Variants in STARD9 observed in about 807,000 individuals in gnomAD.
The protein encoded by STARD9 is stAR-related lipid transfer protein 9.
A neutral mutation model predicts 399.8 loss-of-function variants in STARD9; 346 were observed. That is an observed-to-expected ratio of 0.87 (90% CI 0.79 to 0.95). STARD9 has a LOEUF of 0.95. Among genes scored for constraint, STARD9 ranks in the 40% least tolerant of loss-of-function variants. STARD9 has a pLI of 0.00. For missense variants in STARD9, 5,832 were observed against 5,667.5 expected (o/e 1.03, Z -0.93); for synonymous variants, 2,203 against 2,143.5 (o/e 1.03, Z -0.77).
chr15:42,674,977 G>T lies in STARD9; in HGVS notation c.1687+13G>T. The T allele has an allele frequency of 1.3e-6, 2 of 1,516,650 alleles. No homozygotes were observed. Among genetic ancestry groups the T allele is most frequent in the Non-Finnish European group, 1.8e-6 (2 of 1,137,926 alleles). 93.9% of individuals were successfully genotyped at this position (1,516,650 alleles called of 1,614,324 possible). On this transcript the variant is annotated intron_variant, in intron 18 of 32. Transcript: ENST00000290607. ...CGTCTGACTCAAGGTAGGACTGTCT[G>T]TAGCCCTGTTTATCCCAAGATGAGT... is the stretch of plus-strand genomic sequence containing the variant.
At chr15:42,705,599 T>C (rs2061059123) in intron 26 of STARD9, among the ~76,000 whole-genome samples, 1 of 152,000 alleles carries the variant, frequency 6.6e-6, no homozygotes, top group Non-Finnish European at 1.5e-5. Context: ...CCTCCATGCC[T>C]GGCTAATTTT....
intron 3 of STARD9, among the ~76,000 whole-genome samples, chr15:42,610,996 A>G (rs969670945): frequency 7.9e-5 from 12 of 152,210 alleles, no homozygotes; most frequent in Non-Finnish European, 1.5e-4. Context: ...AATTATTTTA[A>G]TGAATTTCCA....
At chr15:42,649,930 G>A (rs1045314968) in intron 7 of STARD9, among the ~76,000 whole-genome samples, 1 of 146,902 alleles carries the variant, frequency 6.8e-6, no homozygotes, top group Non-Finnish European at 1.5e-5. Context: ...GCAATGGCGC[G>A]ATCTCGACTC....
rs751049981 is a variant in STARD9 at position 42,688,757 on chromosome 15, A to T, written c.7179A>T (p.Glu2393Asp). The T allele has an allele frequency of 2.6e-6, 4 of 1,537,614 alleles. No homozygotes were observed. The African/African-American group carries it at 5.5e-5, about 21-fold the overall frequency. ...QSTETRSHSP[E>D]GNVRGRSSEA... ...CGGAGACCAGAAGCCACAGCCCCGAAGGAAATGTTAGAGGGCGTTCCTCTG... is the reference window on the plus strand; with the variant it reads ...CGGAGACCAGAAGCCACAGCCCCGATGGAAATGTTAGAGGGCGTTCCTCTG... Residue 2393 changes from glutamate (E) to aspartate (D), a missense_variant, in exon 23 of 33, where the codon GAA (glutamate) becomes GAT (aspartate). Glu to Asp is a conservative substitution (Grantham distance 45). Coordinates refer to ENST00000290607, the MANE Select transcript of STARD9 (RefSeq NM_020759.3).
intron 3 of STARD9, among the ~76,000 whole-genome samples, chr15:42,613,922 G>GC (rs2141823610): frequency 6.6e-6 from 1 of 152,008 alleles, no homozygotes; most frequent in African/African-American, 2.4e-5. Flanking sequence ...CCGAGATCCT[G>GC]CCACTGCACT....
intron 3 of STARD9, among the ~76,000 whole-genome samples, chr15:42,597,599 C>T (rs186920483): frequency 2.0e-5 from 3 of 152,094 alleles, no homozygotes; most frequent in Admixed American, 6.5e-5. Flanking sequence ...CACAGTGGCA[C>T]GATCTCGGCT....
chr15:42,628,779 T>C (rs1566886874), intron 3 of STARD9, among the ~76,000 whole-genome samples: 2 of 152,174 alleles, frequency 1.3e-5, no homozygotes, highest in Non-Finnish European at 2.9e-5. Context: ...TTTGTTCTAT[T>C]GGTCTGCGTG....
chr15:42,624,371 CATT>C (rs2059154629), intron 3 of STARD9, among the ~76,000 whole-genome samples: 2 of 152,040 alleles, frequency 1.3e-5, no homozygotes, highest in South Asian at 2.1e-4. Context: ...TTAGTATCCT[CATT>C]ATATTTAGGT....
At chr15:42,699,477 T>G (rs983682486) in intron 26 of STARD9, among the ~76,000 whole-genome samples, 1 of 145,142 alleles carries the variant, frequency 6.9e-6, no homozygotes, top group Non-Finnish European at 1.5e-5. Flanking sequence ...CACTGCAAGC[T>G]CCGCCTCCCG....
intron 7 of STARD9, among the ~76,000 whole-genome samples, chr15:42,649,355 T>C (rs1014150741): frequency 3.9e-5 from 6 of 152,184 alleles, no homozygotes; most frequent in African/African-American, 1.4e-4. Context: ...CTTTTGTCTC[T>C]CTGTGCTAAA....
chr15:42,687,663 A>G lies in STARD9; in HGVS notation c.6085A>G (p.Asn2029Asp), dbSNP rs147364208. 3.4e-4 allele frequency: 530 copies of G among 1,537,110 alleles called. 12 individuals carry two copies. The Admixed American group carries it at 0.01, about 30-fold the overall frequency. ...ECKSQEMLNP[N>D]REPSGKKQNK... ...CAAGTCACAAGAAATGTTAAATCCCAACAGAGAACCTTCTGGAAAGAAACA... is the reference window on the plus strand; with the variant it reads ...CAAGTCACAAGAAATGTTAAATCCCGACAGAGAACCTTCTGGAAAGAAACA... The change falls in exon 23 of 33, where the codon AAC becomes GAC. Residue 2029 changes from asparagine to aspartate, a missense_variant. By Grantham distance (23) the Asn-to-Asp change is conservative (BLOSUM62 1). Coordinates refer to ENST00000290607, the MANE Select transcript of STARD9 (RefSeq NM_020759.3).
intron 3 of STARD9, among the ~76,000 whole-genome samples, chr15:42,625,649 T>TA (rs1294737520): frequency 2.0e-5 from 3 of 150,144 alleles, no homozygotes; most frequent in Non-Finnish European, 4.4e-5. Flanking sequence ...TTCTTCCTAT[T>TA]TTTTTTTTTT....
intron 26 of STARD9, among the ~76,000 whole-genome samples, chr15:42,715,518 A>AC (rs2061333445): frequency 7.6e-6 from 1 of 131,534 alleles, no homozygotes; most frequent in South Asian, 2.5e-4. Flanking sequence ...CTGTCTTTAC[A>AC]AATTTTTTTT....
intron 9 of STARD9, 132 bp downstream of exon 9, chr15:42,652,724 G>A: frequency 1.3e-6 from 1 of 776,212 alleles, no homozygotes; most frequent in Non-Finnish European, 2.1e-6. Context: ...TGCCCAGACT[G>A]GAGTGCAGTG....
At position 42,718,553 on chromosome 15, in the gene STARD9, T is replaced by C. The variant is rs566312421; in HGVS notation, c.13842+39T>C. ...TGGTAAAGATGTTGTGGGAAGAACT[T>C]GGGCTGAAGTGTCGTGAGAAACAAT... On this transcript the variant is annotated intron_variant, in intron 31 of 32. Transcript: ENST00000290607. 54 of 1,521,838 alleles carry C rather than the reference T, an allele frequency of 3.5e-5. No homozygotes were observed. The South Asian group carries it at 4.8e-4, about 13-fold the overall frequency. 94.3% of individuals were successfully genotyped at this position (1,521,838 alleles called of 1,614,324 possible). A position where few individuals can be genotyped will look rare whatever the true frequency, so the allele number is the denominator to read the frequency against.
chr15:42,662,721 G>T, intron 10 of STARD9, 73 bp from the exon 11 acceptor site: 1 of 965,268 alleles, frequency 1.0e-6, no homozygotes, highest in Middle Eastern at 2.1e-4. Context: ...ATAACGGATA[G>T]TATTTTTCAA....
Position 42,675,675 on chromosome 15 carries a change from A to T in STARD9, c.1699A>T (p.Thr567Ser), listed in dbSNP as rs1034896035. The T allele has an allele frequency of 1.3e-6, 2 of 1,537,108 alleles. No homozygotes were observed. Among genetic ancestry groups the T allele is most frequent in the Non-Finnish European group, 1.7e-6 (2 of 1,146,790 alleles). The change falls in exon 19 of 33, where the codon ACC (threonine) becomes TCC (serine). Residue 567 changes from threonine (T) to serine (S), a missense_variant. Thr to Ser is a moderately conservative substitution (Grantham distance 58). This residue lies in a region of STARD9 where 5,828 missense variants were observed against 5,651.1 expected (regional missense o/e 1.03). Transcript: ENST00000290607. ...SCRLTQGAVI[T>S]LGKAQKFRFN... ...TCTCTGTGCTGCAGGAGCTGTCATA[A>T]CCCTGGGGAAGGCACAGAAGTTCCG...
chr15:42,695,660 GGTGGCTTTGGGTAGGAAAAGGC>G, intron 25 of STARD9, 61 bp from the exon 26 acceptor site: 1 of 1,443,708 alleles, frequency 6.9e-7, no homozygotes, highest in Non-Finnish European at 9.2e-7. Flanking sequence ...GCAGGGAAGG[GGTGGCTTTGGGTAGGAAAAGGC>G]GTGGCCTGGG....
chr15:42,684,370 T>C lies in STARD9; in HGVS notation c.2792T>C (p.Ile931Thr), dbSNP rs1329334512. The C allele has an allele frequency of 6.5e-7, 1 of 1,536,874 alleles. No homozygotes were observed. The highest frequency in any genetic ancestry group is 1.4e-5 in the African/African-American group (1 of 73,052). The change falls in exon 23 of 33, where the codon ATC becomes ACC. Residue 931 changes from isoleucine to threonine, a missense_variant. Around this residue, in one of 2 missense-constraint regions of STARD9, gnomAD observed 5,828 missense variants for 5,651.1 expected, o/e 1.03. Transcript: ENST00000290607. Reference sequence around the variant, plus strand: ...ACCATGAGTCCCAACTCTGTTGGCATCCAGGAAATGGAGATGGGGGTTAAG... The same window carrying C: ...ACCATGAGTCCCAACTCTGTTGGCACCCAGGAAATGGAGATGGGGGTTAAG... The part of the protein sequence containing the change: ...CLTMSPNSVG[I>T]QEMEMGVKQP...
Sources: gnomAD v4.1 joint callset for allele counts (sites outside exome capture counted in the v4.1 genomes callset) on GRCh38, gnomAD v4.1.1 for gene constraint, gnomAD v4.1.1 regional missense constraint, MANE v1.5 for transcripts, NCBI Gene and HGNC (gene_info 2026-07-23, HGNC 2026-07-21) for gene names.